Variants in ANO3 observed in about 807,000 individuals in gnomAD.
ANO3 encodes anoctamin-3.
Under a neutral mutation model 144.8 loss-of-function variants are expected in ANO3, and 99 were observed. That is an observed-to-expected ratio of 0.68 (90% CI 0.58 to 0.81). ANO3 has a LOEUF of 0.81. ANO3 is among the 30% of genes least tolerant of loss of function. ANO3 has a pLI of 0.00. For synonymous variants in ANO3, 414 were observed against 392.6 expected, an observed-to-expected ratio of 1.05 and a Z score of -0.64; for missense variants, 905 against 1,202.2, an observed-to-expected ratio of 0.75 and a Z score of 3.66.
rs528655838 is a variant in ANO3 at position 26,493,605 on chromosome 11, A to G, written c.433-14499A>G. On this transcript the variant is annotated intron_variant, in intron 4 of 26. Transcript: ENST00000256737. ...TATTTCTATTCAAATGATGAATTAT[A>G]TATGACTTTTTGCCACCTTTAGAAT... Among the ~76,000 whole-genome samples, 25 of 152,350 alleles carry G rather than the reference A, an allele frequency of 1.6e-4. No homozygotes were observed. The South Asian group carries it at 2.1e-3, about 13-fold the overall frequency.
At chr11:26,567,044 ATACT>A in intron 14 of ANO3, 2 of 1,494,708 alleles carry the variant, frequency 1.3e-6, no homozygotes, top group Non-Finnish European at 1.8e-6. Flanking sequence ...ATCTTATTTG[ATACT>A]TACAACAATC....
chr11:26,199,832 T>A (rs942846880), intron 1 of ANO3, among the ~76,000 whole-genome samples: 2 of 152,184 alleles, frequency 1.3e-5, no homozygotes, highest in East Asian at 3.8e-4. Context: ...GTTTTTTGTT[T>A]CATTTTGTTT....
intron 4 of ANO3, among the ~76,000 whole-genome samples, chr11:26,503,333 A>C (rs10834990): frequency 0.6 from 90,965 of 151,924 alleles, 27,920 homozygotes; most frequent in East Asian, 0.68. Flanking sequence ...TATACCAAAC[A>C]ATTCAAGAAG....
chr11:26,203,937 T>A (rs1851746687), intron 1 of ANO3, among the ~76,000 whole-genome samples: 1 of 152,152 alleles, frequency 6.6e-6, no homozygotes, highest in Admixed American at 6.6e-5. Flanking sequence ...TTTCTTCACT[T>A]GCTTTTCCAC....
intron 24 of ANO3, among the ~76,000 whole-genome samples, chr11:26,650,444 C>G (rs533112338): frequency 3.0e-4 from 37 of 121,878 alleles, no homozygotes; most frequent in Non-Finnish European, 5.4e-4. Context: ...TTCAGGGGTC[C>G]ATGAAGTCGA....
intron 1 of ANO3, among the ~76,000 whole-genome samples, chr11:26,413,580 A>G (rs148686295): frequency 6.6e-6 from 1 of 152,182 alleles, no homozygotes; most frequent in African/African-American, 2.4e-5. Context: ...TTTTCTAAAA[A>G]TAAATTTAGT....
intron 1 of ANO3, among the ~76,000 whole-genome samples, chr11:26,326,131 TA>T (rs375192364): frequency 1.0e-3 from 154 of 152,336 alleles, no homozygotes; most frequent in African/African-American, 2.8e-3. Context: ...TCAAGTAATT[TA>T]AACATAGTTA....
intron 1 of ANO3, among the ~76,000 whole-genome samples, chr11:26,392,337 A>G (rs899487530): frequency 6.6e-6 from 1 of 151,584 alleles, no homozygotes; most frequent in Non-Finnish European, 1.5e-5. Context: ...TATATTTGAT[A>G]ACTTAAAAAG....
intron 1 of ANO3, chr11:26,208,409 A>AG (rs1330191785): frequency 1.3e-5 from 2 of 152,106 alleles, no homozygotes; most frequent in Non-Finnish European, 2.9e-5. Flanking sequence ...GCTACTCCAG[A>AG]GGCTGAGGCA....
intron 5 of ANO3, among the ~76,000 whole-genome samples, chr11:26,511,410 G>A (rs1861659230): frequency 6.6e-6 from 1 of 151,928 alleles, no homozygotes; most frequent in African/African-American, 2.4e-5. Context: ...TGCAAATTAA[G>A]AAAACAAACA....
intron 1 of ANO3, among the ~76,000 whole-genome samples, chr11:26,408,075 A>G (rs968986156): frequency 3.2e-4 from 48 of 152,080 alleles, no homozygotes; most frequent in Admixed American, 3.1e-3. Context: ...CAAGGACTTC[A>G]TGTCTAAAAC....
At chr11:26,475,756 T>A (rs1242774834) in intron 4 of ANO3, among the ~76,000 whole-genome samples, 2 of 152,070 alleles carry the variant, frequency 1.3e-5, no homozygotes, top group Non-Finnish European at 2.9e-5. Context: ...AATTAAAATA[T>A]AAAATAAAAT....
intron 1 of ANO3, chr11:26,189,447 A>C: frequency 1.9e-6 from 1 of 527,846 alleles, no homozygotes; most frequent in Non-Finnish European, 2.4e-6. Flanking sequence ...GGTATAGCTG[A>C]TGCCAATTTT....
At chr11:26,561,220 G>A (rs753243940) in intron 14 of ANO3, 53 of 1,599,560 alleles carry the variant, frequency 3.3e-5, no homozygotes, top group South Asian at 1.2e-4. Context: ...TTGTCTAATC[G>A]CAGAACTAAA....
intron 1 of ANO3, among the ~76,000 whole-genome samples, chr11:26,291,875 C>G (rs1260401637): frequency 6.6e-6 from 1 of 152,148 alleles, no homozygotes. Context: ...GTGAATCTGA[C>G]AATTATGTGT....
intron 11 of ANO3, among the ~76,000 whole-genome samples, chr11:26,544,251 C>T (rs11029602): frequency 0.013 from 488 of 38,462 alleles, 31 homozygotes; most frequent in South Asian, 0.044. Context: ...TTTCATTATA[C>T]ATATATATAT....
chr11:26,272,658 T>C (rs1853467537), intron 1 of ANO3, among the ~76,000 whole-genome samples: 1 of 152,166 alleles, frequency 6.6e-6, no homozygotes, highest in African/African-American at 2.4e-5. Context: ...AGAAGCAGCT[T>C]CTGCCAACTA....
At chr11:26,329,812 AT>A (rs34683057), upstream of ANO3, among the ~76,000 whole-genome samples, 48,850 of 139,258 alleles carry the variant, frequency 0.35, 9,022 homozygotes, top group Admixed American at 0.48. Context: ...AGGGACTTAA[AT>A]TTTTTTTTTT....
At chr11:26,258,643 G>A (rs1017136747) in intron 1 of ANO3, among the ~76,000 whole-genome samples, 4 of 151,970 alleles carry the variant, frequency 2.6e-5, no homozygotes, top group Non-Finnish European at 5.9e-5. Context: ...CATCTCTCTC[G>A]AACTCCATAG....
Sources: gnomAD v4.1 joint callset for allele counts (sites outside exome capture counted in the v4.1 genomes callset) on GRCh38, gnomAD v4.1.1 for gene constraint, MANE v1.5 for transcripts, NCBI Gene and HGNC (gene_info 2026-07-23, HGNC 2026-07-21) for gene names.